Variants in MDH1 observed in about 807,000 individuals in gnomAD.
MDH1 encodes malate dehydrogenase, cytoplasmic.
MDH1 carries 15 observed loss-of-function variants against 38.7 expected under a neutral mutation model. That is an observed-to-expected ratio of 0.39 (90% confidence interval 0.26 to 0.60). The LOEUF (loss-of-function observed/expected upper bound fraction) is 0.60. MDH1 is among the 20% of genes least tolerant of loss of function. The pLI is 0.56. For synonymous variants in MDH1, 144 were observed against 143.6 expected (o/e 1.00, Z -0.02); for missense variants, 368 against 405.2 (o/e 0.91, Z 0.79).
Position 63,597,440 on chromosome 2 carries a change from C to A in MDH1, c.241C>A (p.Leu81Met). 1 of 1,477,090 alleles carries A rather than the reference C, an allele frequency of 6.8e-7. No homozygotes were observed. The highest frequency in any genetic ancestry group is 9.1e-7 in the Non-Finnish European group (1 of 1,103,750). 91.5% of individuals were successfully genotyped at this position (1,477,090 alleles called of 1,614,324 possible). The change falls in exon 4 of 9, where the codon CTG (leucine) becomes ATG (methionine). Residue 81 changes from leucine (L) to methionine (M), a missense_variant. Leu to Met is a conservative substitution (Grantham distance 15). Coordinates refer to ENST00000233114, the MANE Select transcript of MDH1 (RefSeq NM_005917.4). ...TDKEDVAFKD[L>M]DVAILVGSMP... ...TAAAGAAGACGTTGCCTTCAAAGAC[C>A]TGGATGTGGCCATTCTTGTGGGCTC... is the stretch of plus-strand genomic sequence containing the variant.
At chr2:63,600,268 G>A (rs1267501280) in intron 5 of MDH1, among the ~76,000 whole-genome samples, 3 of 152,176 alleles carry the variant, frequency 2.0e-5, no homozygotes, top group Admixed American at 6.5e-5. Flanking sequence ...TGCTATACAT[G>A]TAATTTTCCA....
intron 5 of MDH1, among the ~76,000 whole-genome samples, chr2:63,602,654 A>C (rs1302878619): frequency 2.6e-5 from 4 of 152,006 alleles, no homozygotes; most frequent in Admixed American, 1.3e-4. Flanking sequence ...TTTCTTCATC[A>C]CTCACAAAAG....
At chr2:63,595,128 CAAT>C (rs1370820620) in intron 2 of MDH1, 1 of 423,476 alleles carries the variant, frequency 2.4e-6, no homozygotes, top group Non-Finnish European at 4.4e-6. Context: ...CAGCTATTAA[CAAT>C]AAGAGCAAGC....
At chr2:63,603,952 C>A (rs1709479235) in intron 5 of MDH1, among the ~76,000 whole-genome samples, 1 of 152,198 alleles carries the variant, frequency 6.6e-6, no homozygotes. Context: ...CCACCATGCC[C>A]AGCCCAAGAC....
intron 1 of MDH1, among the ~76,000 whole-genome samples, chr2:63,592,084 G>T (rs569995975): frequency 1.3e-5 from 2 of 152,040 alleles, no homozygotes; most frequent in African/African-American, 4.8e-5. Flanking sequence ...TTAGAAAATT[G>T]GTGTATCCTT....
Position 63,604,888 on chromosome 2 carries a change from G to A in MDH1, c.675+16G>A, listed in dbSNP as rs879580916. On this transcript the variant is annotated intron_variant, in intron 6 of 8. Coordinates refer to ENST00000233114, the MANE Select transcript of MDH1 (RefSeq NM_005917.4). ...ATTTGTCACGGTAAGAAAAATCTGT[G>A]AGCCTTCTTAACACTGAGCGTAAAG... is the stretch of plus-strand genomic sequence containing the variant. The A allele has an allele frequency of 3.1e-6, 5 of 1,613,430 alleles. No individual in the cohort carries two copies. Among genetic ancestry groups the A allele is most frequent in the Non-Finnish European group, 4.2e-6 (5 of 1,179,724 alleles).
intron 8 of MDH1, 146 bp downstream of exon 8, chr2:63,606,174 G>A: frequency 1.3e-6 from 1 of 760,760 alleles, no homozygotes; most frequent in Non-Finnish European, 2.3e-6. Flanking sequence ...TTGAGCCCAG[G>A]AGTTCAAGAC....
chr2:63,606,005 T>G lies in MDH1; in HGVS notation c.856T>G (p.Tyr286Asp). Residue 286 changes from tyrosine to aspartate, a missense_variant, in exon 8 of 9, where the codon TAC (tyrosine) becomes GAC (aspartate). Transcript: ENST00000233114. ...CTATGGTGTTCCTGATGATCTGCTC[T>G]ACTCATTCCCTGTTGTAATCAAGGT... ...NSYGVPDDLL[Y>D]SFPVVIKNKT... The G allele has an allele frequency of 6.2e-7, 1 of 1,614,090 alleles. No individual in the cohort carries two copies. The highest frequency in any genetic ancestry group is 8.5e-7 in the Non-Finnish European group (1 of 1,179,930).
intron 5 of MDH1, among the ~76,000 whole-genome samples, chr2:63,601,657 G>A (rs1410858873): frequency 6.6e-6 from 1 of 152,158 alleles, no homozygotes; most frequent in East Asian, 1.9e-4. Flanking sequence ...AGACAGAACT[G>A]GATTAGCTCA....
At chr2:63,598,018 C>T (rs1397968783) in intron 4 of MDH1, 1 of 152,376 alleles carries the variant, frequency 6.6e-6, no homozygotes, top group Admixed American at 6.5e-5. Flanking sequence ...ATATGCTTGT[C>T]TCTTGAAGAA....
At chr2:63,599,087 T>TA in intron 4 of MDH1, 83 bp from the exon 5 acceptor site, 1 of 1,432,548 alleles carries the variant, frequency 7.0e-7, no homozygotes, top group Non-Finnish European at 9.5e-7. Context: ...GGCTACCTGT[T>TA]AGACATTTTC....
intron 6 of MDH1, 102 bp downstream of exon 6, chr2:63,604,974 C>G (rs1218485285): frequency 1.1e-5 from 13 of 1,130,574 alleles, no homozygotes; most frequent in Non-Finnish European, 1.6e-5. Context: ...CACAGTTGCT[C>G]TGATGACTGC....
At chr2:63,597,674 G>C (rs1169958670) in intron 4 of MDH1, 100 bp downstream of exon 4, 1 of 1,086,196 alleles carries the variant, frequency 9.2e-7, no homozygotes, top group Non-Finnish European at 1.2e-6. Flanking sequence ...CTTTTTTCTA[G>C]TTCTGTACAA....
At chr2:63,595,049 C>T in intron 2 of MDH1, 2 of 304,794 alleles carry the variant, frequency 6.6e-6, no homozygotes, top group Non-Finnish European at 1.2e-5. Context: ...TTTCTTGACC[C>T]ATGGATACTG....
chr2:63,593,032 T>C (rs546216167), intron 1 of MDH1: 1 of 152,292 alleles, frequency 6.6e-6, no homozygotes, highest in African/African-American at 2.4e-5. Flanking sequence ...AATTGTGTAG[T>C]ATGTAGTTGG....
At chr2:63,592,127 CCCTGG>C (rs1709211670) in intron 1 of MDH1, among the ~76,000 whole-genome samples, 1 of 152,046 alleles carries the variant, frequency 6.6e-6, no homozygotes, top group African/African-American at 2.4e-5. Flanking sequence ...CCAATGGATT[CCCTGG>C]CCTAAAATAG....
At chr2:63,605,918 G>A (rs1420807397) in intron 7 of MDH1, 21 bp from the exon 8 acceptor site, 4 of 1,593,874 alleles carry the variant, frequency 2.5e-6, no homozygotes, top group Non-Finnish European at 3.4e-6. Context: ...TCATGAGTAT[G>A]TGAAACATTG....
chr2:63,589,354 G>C (rs1453927538), intron 1 of MDH1: 3 of 1,550,638 alleles, frequency 1.9e-6, no homozygotes, highest in Non-Finnish European at 2.6e-6. Context: ...ATTTTCCAAA[G>C]GACGTTACGG....
intron 1 of MDH1, among the ~76,000 whole-genome samples, chr2:63,592,328 T>C (rs1709215817): frequency 1.3e-5 from 2 of 152,208 alleles, no homozygotes; most frequent in Non-Finnish European, 2.9e-5. Context: ...ATGAATAAAA[T>C]ACCTTTTGTT....
Sources: gnomAD v4.1 joint callset for allele counts (sites outside exome capture counted in the v4.1 genomes callset) on GRCh38, gnomAD v4.1.1 for gene constraint, MANE v1.5 for transcripts, NCBI Gene and HGNC (gene_info 2026-07-23, HGNC 2026-07-21) for gene names.